Variants in SPAG1 observed in about 807,000 individuals in gnomAD.
SPAG1 encodes the protein sperm associated antigen 1.
A neutral mutation model predicts 100.5 loss-of-function variants in SPAG1; 69 were observed. The ratio of observed to expected loss-of-function variants is 0.69; its 90% CI spans 0.57 to 0.84. The LOEUF (loss-of-function observed/expected upper bound fraction) is 0.84. Among genes scored for constraint, SPAG1 ranks in the 40% least tolerant of loss-of-function variants. The probability of loss-of-function intolerance (pLI) is 0.00; values close to 1 mark genes in which losing one functional copy is unlikely to be tolerated. For missense variants in SPAG1, 955 were observed against 1,133.1 expected (o/e 0.84, Z 2.26); for synonymous variants, 336 against 411.6 (o/e 0.82, Z 2.22).
In SPAG1 at chr8:100,158,598, C is replaced by T. The variant is rs1815169861; in HGVS notation, c.-21C>T. 1 of 152,024 alleles carries T rather than the reference C, an allele frequency of 6.6e-6. No homozygotes were observed. The highest frequency in any genetic ancestry group is 2.1e-4 in the South Asian group (1 of 4,810). The allele number at this position is 152,024 out of a possible 1,614,324, so 9.4% of individuals were successfully genotyped here. A position where few individuals can be genotyped will look rare whatever the true frequency, so the allele number is the denominator to read the frequency against. ...ACCCAGCTTTTCGCGTTAGTAGGCC[C>T]GAGCAGTTTGAACTGGAGGTATTAC... On this transcript the variant is annotated 5_prime_UTR_variant, in exon 1 of 19. Coordinates refer to ENST00000388798, the MANE Select transcript of SPAG1 (RefSeq NM_003114.5).
intron 10 of SPAG1, among the ~76,000 whole-genome samples, chr8:100,209,496 A>T (rs1198864825): frequency 6.7e-6 from 1 of 149,480 alleles, no homozygotes; most frequent in Non-Finnish European, 1.5e-5. Flanking sequence ...CTTTTTGGCT[A>T]TTCTGAACTC....
rs1819260872 is a variant in SPAG1, at chr8:100,241,263, CATTTT to C, written c.*243_*247del. On this transcript the variant is annotated 3_prime_UTR_variant, in exon 19 of 19. Coordinates refer to ENST00000388798, the MANE Select transcript of SPAG1 (RefSeq NM_003114.5). This position sits in a 1 kb window ranked among gnomAD's most constrained non-coding sequence, Gnocchi z 5.1. ...GTATATTTAGAACTTGTTAAAAATA[CATTTT>C]AATTTATGATATACATATTATTTTA... 3.5e-6 allele frequency: 1 copy of C among 286,966 alleles called. No homozygotes were observed. Among genetic ancestry groups the C allele is most frequent in the African/African-American group, 2.2e-5 (1 of 45,906 alleles). The allele number at this position is 286,966 out of a possible 1,614,324, so 17.8% of individuals were successfully genotyped here.
At chr8:100,183,515 T>A in intron 5 of SPAG1, 79 bp downstream of exon 5, 1 of 671,974 alleles carries the variant, frequency 1.5e-6, no homozygotes, top group Non-Finnish European at 2.6e-6. Context: ...ATTTCTTAAA[T>A]AATTATTATA....
chr8:100,177,719 G>T, intron 3 of SPAG1, 97 bp from the exon 4 acceptor site: 2 of 672,036 alleles, frequency 3.0e-6, no homozygotes, highest in South Asian at 4.6e-5. Flanking sequence ...GACCAATGCA[G>T]TTCAAACTTA....
At chr8:100,173,878 C>T (rs1815988780) in intron 3 of SPAG1, among the ~76,000 whole-genome samples, 1 of 152,092 alleles carries the variant, frequency 6.6e-6, no homozygotes, top group Non-Finnish European at 1.5e-5. Flanking sequence ...GTAGGAAGGG[C>T]AACAACAATG....
In SPAG1 at chr8:100,168,687, C is replaced by CTTTTTTTTTTTTTTTTTTTTTTTTT. The variant is rs747506730; in HGVS notation, c.300+2725_300+2726insTTTTTTTTTTTTTTTTTTTTTTTTT. 6.4e-3 allele frequency among the ~76,000 whole-genome samples: 608 copies of CTTTTTTTTTTTTTTTTTTTTTTTTT among 95,554 alleles called. 147 individuals are homozygous for CTTTTTTTTTTTTTTTTTTTTTTTTT. The highest frequency in any genetic ancestry group is 9.4e-3 in the African/African-American group (210 of 22,440). The allele number at this position is 95,554 out of a possible 152,430, so 62.7% of individuals were successfully genotyped here. ...AGCATGAGCCACCATGCCCAGCCAT[C>CTTTTTTTTTTTTTTTTTTTTTTTTT]TTTTTTTTTTTGTTGTTGAGACAGA... On this transcript the variant is annotated intron_variant, in intron 3 of 18. Coordinates refer to ENST00000388798, the MANE Select transcript of SPAG1 (RefSeq NM_003114.5).
At chr8:100,231,672 T>C (rs1818772181) in intron 15 of SPAG1, among the ~76,000 whole-genome samples, 1 of 152,116 alleles carries the variant, frequency 6.6e-6, no homozygotes, top group South Asian at 2.1e-4. Context: ...TTCAAAATAG[T>C]GTCTTGGCTG....
Position 100,183,944 on chromosome 8 carries a change from CTTTCA to C in SPAG1, c.489-8_489-4del, listed in dbSNP as rs1816475582. The C allele has an allele frequency of 1.4e-6, 2 of 1,383,784 alleles. No individual in the cohort carries two copies. Among genetic ancestry groups the C allele is most frequent in the East Asian group, 2.5e-5 (1 of 39,970 alleles). 85.7% of individuals were successfully genotyped at this position (1,383,784 alleles called of 1,614,324 possible). A position where few individuals can be genotyped will look rare whatever the true frequency, so the allele number is the denominator to read the frequency against. ...TTGTACTTTTTTGGTTTTTATTGTT[CTTTCA>C]TTTAAGATTTGACGTGGAGAAGGAA... On this transcript the variant is annotated splice_polypyrimidine_tract_variant and splice_region_variant and intron_variant, in intron 5 of 18. Coordinates refer to ENST00000388798, the MANE Select transcript of SPAG1 (RefSeq NM_003114.5).
intron 13 of SPAG1, 150 bp downstream of exon 13, chr8:100,220,581 G>T: frequency 1.5e-6 from 1 of 660,442 alleles, no homozygotes; most frequent in Non-Finnish European, 2.5e-6. Flanking sequence ...ACATCAAATG[G>T]TTCTCTCCCT....
At position 100,165,857 on chromosome 8, in the gene SPAG1, G is replaced by A; in HGVS notation, c.184G>A (p.Glu62Lys). The A allele has an allele frequency of 6.2e-7, 1 of 1,613,950 alleles. No homozygotes were observed. Among genetic ancestry groups the A allele is most frequent in the Non-Finnish European group, 8.5e-7 (1 of 1,179,936 alleles). ...GYYPELTEFC[E>K]KHLQALAPES... Reference sequence around the variant, plus strand: ...TTATCCTGAACTTACAGAATTTTGTGAAAAGCATCTTCAAGCCTTGGCCCC... The same window carrying A: ...TTATCCTGAACTTACAGAATTTTGTAAAAAGCATCTTCAAGCCTTGGCCCC... Residue 62 changes from glutamate (E) to lysine (K), a missense_variant, in exon 3 of 19, where the codon GAA (glutamate) becomes AAA (lysine). Coordinates refer to ENST00000388798, the MANE Select transcript of SPAG1 (RefSeq NM_003114.5).
intron 15 of SPAG1, among the ~76,000 whole-genome samples, chr8:100,232,988 T>G (rs1818845751): frequency 6.6e-6 from 1 of 152,198 alleles, no homozygotes; most frequent in South Asian, 2.1e-4. Flanking sequence ...CCATCTGAAC[T>G]TTCTCAACCC....
chr8:100,215,598 C>T (rs1161525816), intron 12 of SPAG1, among the ~76,000 whole-genome samples: 1 of 152,220 alleles, frequency 6.6e-6, no homozygotes, highest in African/African-American at 2.4e-5. Context: ...CATCTCGGCT[C>T]ACTGCAAGCT....
chr8:100,169,832 G>A lies in SPAG1; in HGVS notation c.300+3859G>A, dbSNP rs73279033. ...TTTTTTATATTTATTTATTTATTTT[G>A]TACTCCTTGAGGAGCAAGGCTACCC... On this transcript the variant is annotated intron_variant, in intron 3 of 18. Coordinates refer to ENST00000388798, the MANE Select transcript of SPAG1 (RefSeq NM_003114.5). Among the ~76,000 whole-genome samples the A allele has an allele frequency of 4.9e-3, 736 of 151,472 alleles. 10 individuals carry two copies. The highest frequency in any genetic ancestry group is 0.017 in the African/African-American group (718 of 41,344).
At chr8:100,192,585 T>G (rs909579131) in intron 9 of SPAG1, among the ~76,000 whole-genome samples, 25 of 152,244 alleles carry the variant, frequency 1.6e-4, no homozygotes, top group African/African-American at 6.0e-4. Context: ...AAATTGTTAC[T>G]AAGTTTCCAC....
At chr8:100,173,183 C>CTCCCAAGTAGCTGGG (rs1815958109) in intron 3 of SPAG1, among the ~76,000 whole-genome samples, 1 of 151,732 alleles carries the variant, frequency 6.6e-6, no homozygotes, top group Non-Finnish European at 1.5e-5. Flanking sequence ...GGATTACAGG[C>CTCCCAAGTAGCTGGG]ATTCACCACC....
At chr8:100,205,685 G>A (rs1333139026) in intron 10 of SPAG1, among the ~76,000 whole-genome samples, 1 of 152,104 alleles carries the variant, frequency 6.6e-6, no homozygotes, top group African/African-American at 2.4e-5. Context: ...TGGAGGGACT[G>A]CAGAGATTAG....
chr8:100,231,937 G>A (rs1209016001), intron 15 of SPAG1, among the ~76,000 whole-genome samples: 3 of 151,124 alleles, frequency 2.0e-5, no homozygotes, highest in African/African-American at 7.4e-5. Context: ...AGTCTGGCCT[G>A]GGTGAAAGAG....
chr8:100,199,563 A>G (rs1482926133), intron 10 of SPAG1, among the ~76,000 whole-genome samples: 2 of 152,120 alleles, frequency 1.3e-5, no homozygotes, highest in Admixed American at 1.3e-4. Flanking sequence ...CTCCTGCCTC[A>G]GCCTCCCAAG....
At chr8:100,186,060 CTTTTTT>C (rs71274962) in intron 7 of SPAG1, among the ~76,000 whole-genome samples, 20 of 89,964 alleles carry the variant, frequency 2.2e-4, no homozygotes, top group African/African-American at 7.7e-4. Context: ...TGGGCAGATT[CTTTTTT>C]TTTTTTTTTT....
Sources: allele counts gnomAD v4.1 joint callset (sites outside exome capture counted in the v4.1 genomes callset), GRCh38; gene constraint gnomAD v4.1.1; non-coding constraint Gnocchi (gnomAD v3.1); transcripts MANE v1.5; gene names NCBI Gene and HGNC (gene_info 2026-07-23, HGNC 2026-07-21).